The following ESR2 variants were observed in gnomAD, a reference collection of about 807,000 sequenced individuals.
ESR2 encodes the protein estrogen receptor 2.
ESR2 carries 36 observed loss-of-function variants against 49.6 expected under a neutral mutation model. That is an observed-to-expected ratio of 0.73 (90% CI 0.56 to 0.96). ESR2 has a LOEUF of 0.96. ESR2 is among the 40% of genes least tolerant of loss of function. The pLI, the probability that ESR2 is intolerant of heterozygous loss-of-function variation, is 0.00. For missense variants in ESR2, 714 were observed against 693.0 expected (o/e 1.03, Z -0.34); for synonymous variants, 320 against 266.1 (o/e 1.20, Z -1.97).
At chr14:64,311,994 G>A (rs2077193284) in intron 1 of ESR2, among the ~76,000 whole-genome samples, 1 of 152,052 alleles carries the variant, frequency 6.6e-6, no homozygotes, top group South Asian at 2.1e-4. Flanking sequence ...TATGTTTGAT[G>A]GTTAAAGCAA....
At chr14:64,280,922 T>C (rs1443526974) in intron 2 of ESR2, among the ~76,000 whole-genome samples, 2 of 152,076 alleles carry the variant, frequency 1.3e-5, no homozygotes, top group Non-Finnish European at 1.5e-5. Flanking sequence ...AAGCAGGAGA[T>C]TGCTTGAACC....
intron 1 of ESR2, chr14:64,330,908 G>A (rs2077448150): frequency 6.9e-6 from 1 of 145,176 alleles, no homozygotes; most frequent in Non-Finnish European, 1.5e-5. Flanking sequence ...CTGGGTGACA[G>A]AGGAGGACTC....
intron 1 of ESR2, among the ~76,000 whole-genome samples, chr14:64,308,969 GAAAGAAAATAAA>G (rs942140869): frequency 6.8e-6 from 1 of 147,102 alleles, no homozygotes; most frequent in Non-Finnish European, 1.5e-5. Context: ...TTGTTAAAAA[GAAAGAAAATAAA>G]AAAGAAAAGA....
At chr14:64,326,159 A>G (rs2077387457) in intron 1 of ESR2, among the ~76,000 whole-genome samples, 1 of 152,168 alleles carries the variant, frequency 6.6e-6, no homozygotes, top group South Asian at 2.1e-4. Flanking sequence ...GTTATAGTCG[A>G]AGGAATTTGA....
Position 64,294,155 on chromosome 14 carries a change from T to G in ESR2, c.-213A>C, listed in dbSNP as rs1008373241. The G allele has an allele frequency of 4.6e-5, 7 of 152,304 alleles. No homozygotes were observed. Among genetic ancestry groups the G allele is most frequent in the African/African-American group, 1.7e-4 (7 of 41,464 alleles). The allele number at this position is 152,304 out of a possible 1,614,324, so 9.4% of individuals were successfully genotyped here. On this transcript the variant is annotated 5_prime_UTR_variant, in exon 1 of 9. Coordinates refer to ENST00000341099, the MANE Select transcript of ESR2 (RefSeq NM_001437.3). ...TGTTGAGGAAAGCGAGCGCACCTCC[T>G]GCAGCTCAGGCTCCGGGCGCCAGCC...
chr14:64,267,968 C>T (rs1320570305), intron 4 of ESR2, among the ~76,000 whole-genome samples: 1 of 150,988 alleles, frequency 6.6e-6, no homozygotes, highest in Non-Finnish European at 1.5e-5. Flanking sequence ...AGAGAAATTA[C>T]AATTAACCAC....
chr14:64,318,985 G>A (rs1056710724), intron 1 of ESR2, among the ~76,000 whole-genome samples: 2 of 151,926 alleles, frequency 1.3e-5, no homozygotes, highest in East Asian at 3.9e-4. Context: ...AGGCTGCAGT[G>A]AGCTGTGATT....
intron 4 of ESR2, among the ~76,000 whole-genome samples, chr14:64,267,322 G>A (rs2076352356): frequency 6.6e-6 from 1 of 152,126 alleles, no homozygotes; most frequent in Non-Finnish European, 1.5e-5. Flanking sequence ...TTCTGACAAG[G>A]ATAATGTGAA....
chr14:64,272,917 T>C (rs769305193), intron 3 of ESR2, among the ~76,000 whole-genome samples: 2 of 152,182 alleles, frequency 1.3e-5, no homozygotes, highest in Admixed American at 6.6e-5. Context: ...ATCATTGGTA[T>C]TTTGATAAAA....
chr14:64,328,951 TAAATA>T (rs2077421691), intron 1 of ESR2, among the ~76,000 whole-genome samples: 1 of 152,118 alleles, frequency 6.6e-6, no homozygotes, highest in Non-Finnish European at 1.5e-5. Flanking sequence ...AAATAAAATT[TAAATA>T]AAATAAAGTA....
chr14:64,250,642 G>C (rs895962878), intron 6 of ESR2, among the ~76,000 whole-genome samples: 1 of 152,144 alleles, frequency 6.6e-6, no homozygotes, highest in Non-Finnish European at 1.5e-5. Flanking sequence ...GGGTTTATGC[G>C]AGTTCCATTT....
At chr14:64,336,854 C>T (rs1022137052) in intron 1 of ESR2, 3 of 152,128 alleles carry the variant, frequency 2.0e-5, no homozygotes, top group African/African-American at 7.2e-5. Context: ...AAATCAAACC[C>T]TTGCTTTCTT....
Position 64,285,000 on chromosome 14 carries a change from C to G in ESR2, c.-90-1925G>C, listed in dbSNP as rs150900507. On this transcript the variant is annotated intron_variant, in intron 1 of 8. Coordinates refer to ENST00000341099, the MANE Select transcript of ESR2 (RefSeq NM_001437.3). ...GAGTAGCTGGGATTATAGGCGCCCG[C>G]CACCACGCCCAGCTAACTTTTTGTA... 5.4e-3 allele frequency among the ~76,000 whole-genome samples: 824 copies of G among 152,246 alleles called. 5 individuals carry two copies. Among genetic ancestry groups the G allele is most frequent in the African/African-American group, 0.019 (787 of 41,542 alleles).
At chr14:64,282,299 C>T (rs2076688989) in intron 2 of ESR2, among the ~76,000 whole-genome samples, 4 of 152,168 alleles carry the variant, frequency 2.6e-5, no homozygotes, top group South Asian at 4.1e-4. Flanking sequence ...GAGCCGCAAT[C>T]GTGCCATTAT....
At chr14:64,288,972 G>T (rs866031367) in intron 1 of ESR2, among the ~76,000 whole-genome samples, 3 of 132,090 alleles carry the variant, frequency 2.3e-5, no homozygotes, top group Admixed American at 1.7e-4. Context: ...GGTGACAAGA[G>T]CAAAACTCTG....
chr14:64,300,395 C>T (rs1204570953), intron 1 of ESR2, among the ~76,000 whole-genome samples: 1 of 152,172 alleles, frequency 6.6e-6, no homozygotes, highest in Non-Finnish European at 1.5e-5. Flanking sequence ...TCTACCCTCC[C>T]TCATCTCAGT....
chr14:64,251,406 A>G (rs1399343964), intron 6 of ESR2, among the ~76,000 whole-genome samples: 1 of 111,548 alleles, frequency 9.0e-6, no homozygotes, highest in African/African-American at 5.2e-5. Context: ...ACACATGCAC[A>G]ATACATACAC....
chr14:64,260,801 C>T, intron 4 of ESR2, 53 bp from the exon 5 acceptor site: 1 of 1,410,906 alleles, frequency 7.1e-7, no homozygotes, highest in Non-Finnish European at 9.3e-7. Flanking sequence ...CGCAGTCAAG[C>T]AAAAGCAGCT....
In ESR2 at chr14:64,280,032, C is replaced by T. The variant is rs1261390478; in HGVS notation, c.484G>A (p.Gly162Arg). The change falls in exon 3 of 9, where the codon GGA becomes AGA. Residue 162 changes from glycine (G) to arginine (R), a missense_variant. Transcript: ENST00000341099. ...TTACATCCTTCACACGACCAGACTC[C>T]ATAGTGATATCCCGATGCGTAATCG... ...CSDYASGYHY[G>R]VWSCEGCKAF... 3.1e-6 allele frequency: 5 copies of T among 1,614,208 alleles called. No individual in the cohort carries two copies. In the East Asian group the frequency reaches 8.9e-5, roughly 29 times the overall value.
Sources: gnomAD v4.1 joint callset for allele counts (sites outside exome capture counted in the v4.1 genomes callset) on GRCh38, gnomAD v4.1.1 for gene constraint, MANE v1.5 for transcripts, NCBI Gene and HGNC (gene_info 2026-07-23, HGNC 2026-07-21) for gene names.